Variants in MRPS28 observed in about 807,000 individuals in gnomAD.
MRPS28 encodes the protein small ribosomal subunit protein bS1m.
MRPS28 carries 7 observed loss-of-function variants against 10.8 expected under a neutral mutation model. That is an observed-to-expected ratio of 0.65 (90% CI 0.37 to 1.22). The LOEUF (loss-of-function observed/expected upper bound fraction) is 1.22, where lower values mean the gene tolerates loss of function less well. MRPS28 is among the 50% of genes most tolerant of loss of function. The pLI is 0.02. For missense variants in MRPS28, 265 were observed against 232.9 expected (o/e 1.14, Z -0.90); for synonymous variants, 121 against 93.3 (o/e 1.30, Z -1.71).
At chr8:79,944,132 A>G (rs1489370681) in intron 2 of MRPS28, among the ~76,000 whole-genome samples, 2 of 152,252 alleles carry the variant, frequency 1.3e-5, no homozygotes, top group African/African-American at 4.8e-5. Flanking sequence ...CATTTGTGAA[A>G]TAAAAAGCAT....
chr8:79,965,875 G>A (rs1271056794), intron 2 of MRPS28, among the ~76,000 whole-genome samples: 2 of 151,942 alleles, frequency 1.3e-5, no homozygotes. Flanking sequence ...TACCAAGCAA[G>A]AACAATGTCA....
intron 2 of MRPS28, among the ~76,000 whole-genome samples, chr8:79,965,290 C>G (rs966432511): frequency 1.3e-5 from 2 of 152,074 alleles, no homozygotes; most frequent in African/African-American, 4.8e-5. Flanking sequence ...TAAGATGACA[C>G]TGTTAAATAA....
At chr8:79,988,412 T>C (rs1309230006) in intron 2 of MRPS28, among the ~76,000 whole-genome samples, 3 of 150,184 alleles carry the variant, frequency 2.0e-5, no homozygotes, top group Non-Finnish European at 4.4e-5. Context: ...CCCTAAAACT[T>C]AAAGTATAAT....
intron 2 of MRPS28, among the ~76,000 whole-genome samples, chr8:79,927,531 T>A (rs1409627072): frequency 6.6e-6 from 1 of 152,246 alleles, no homozygotes; most frequent in Non-Finnish European, 1.5e-5. Flanking sequence ...ATCTTGTTTC[T>A]GTCTCTCTGA....
chr8:79,919,025 C>T lies in MRPS28; in HGVS notation c.519G>A (p.Gln173=). 1 of 1,591,954 alleles carries T rather than the reference C, an allele frequency of 6.3e-7. No individual in the cohort carries two copies. ...LEANAVLLGI[Q]ESKDSRSKEE... The stretch of plus-strand genomic sequence containing the variant: ...CTTTCGATCTTGAGTCTTTACTCTC[C>T]TGGATTCCCAAGAGAACTGCATTAG... Residue 173 remains glutamine, a synonymous_variant, in exon 3 of 3, where the codon CAG becomes CAA. Coordinates refer to ENST00000276585, the MANE Select transcript of MRPS28 (RefSeq NM_014018.3).
At chr8:79,990,602 G>C (rs1468990332) in intron 2 of MRPS28, among the ~76,000 whole-genome samples, 1 of 148,684 alleles carries the variant, frequency 6.7e-6, no homozygotes, top group African/African-American at 2.5e-5. Flanking sequence ...ATGGAATCTT[G>C]ACCACTGTGG....
At position 80,030,213 on chromosome 8, in the gene MRPS28, G is replaced by A; in HGVS notation, c.36C>T (p.Ala12=). Residue 12 remains alanine (A), a synonymous_variant, in exon 1 of 3, where the codon GCC becomes GCT. Transcript: ENST00000276585. The part of the protein sequence containing the change: ...AALCRTRAVA[A]ESHFLRVFLF... ...GAAACACTCGCAGAAAATGGCTCTC[G>A]GCAGCCACAGCACGGGTCCGACACA... 3.1e-6 allele frequency: 5 copies of A among 1,614,064 alleles called. No individual in the cohort carries two copies. Among genetic ancestry groups the A allele is most frequent in the East Asian group, 2.2e-5 (1 of 44,886 alleles).
At chr8:79,968,871 T>C (rs933241498) in intron 2 of MRPS28, among the ~76,000 whole-genome samples, 2 of 152,132 alleles carry the variant, frequency 1.3e-5, no homozygotes, top group Non-Finnish European at 2.9e-5. Context: ...AGATTGCAAA[T>C]GTTTGAATCT....
intron 2 of MRPS28, among the ~76,000 whole-genome samples, chr8:79,973,026 T>C (rs778182289): frequency 2.0e-5 from 3 of 152,330 alleles, no homozygotes; most frequent in Admixed American, 6.5e-5. Context: ...ACAAAATTGA[T>C]AGGTATTCAA....
At chr8:79,937,524 T>G (rs1806634402) in intron 2 of MRPS28, among the ~76,000 whole-genome samples, 1 of 152,082 alleles carries the variant, frequency 6.6e-6, no homozygotes, top group South Asian at 2.1e-4. Context: ...AAAAAACACA[T>G]CATATGAAAT....
chr8:79,973,669 G>C (rs773152158), intron 2 of MRPS28, among the ~76,000 whole-genome samples: 1 of 151,946 alleles, frequency 6.6e-6, no homozygotes, highest in Non-Finnish European at 1.5e-5. Context: ...GTGTAAAGTC[G>C]AGATTAAAAG....
intron 2 of MRPS28, among the ~76,000 whole-genome samples, chr8:79,966,363 A>G (rs1429966468): frequency 6.6e-6 from 1 of 152,124 alleles, no homozygotes; most frequent in Non-Finnish European, 1.5e-5. Context: ...TATAAAAGCA[A>G]AAATTAAAAT....
chr8:79,921,719 C>T (rs1810100118), intron 2 of MRPS28, among the ~76,000 whole-genome samples: 1 of 152,080 alleles, frequency 6.6e-6, no homozygotes, highest in Non-Finnish European at 1.5e-5. Context: ...ACAATCATGT[C>T]ATCTGCAAAC....
At chr8:79,985,311 C>T (rs1808121439) in intron 2 of MRPS28, among the ~76,000 whole-genome samples, 1 of 152,106 alleles carries the variant, frequency 6.6e-6, no homozygotes, top group Admixed American at 6.5e-5. Context: ...TAAATGCCCA[C>T]AAGAGAAAGC....
intron 1 of MRPS28, among the ~76,000 whole-genome samples, chr8:80,007,668 C>T (rs191842799): frequency 0.026 from 4,031 of 152,224 alleles, 71 homozygotes; most frequent in Non-Finnish European, 0.04. Flanking sequence ...AACTCCCATT[C>T]ACAATTGCTT....
At chr8:80,029,993 T>G (rs1809611097) in intron 1 of MRPS28, 43 bp downstream of exon 1, 1 of 1,598,032 alleles carries the variant, frequency 6.3e-7, no homozygotes, top group Non-Finnish European at 8.5e-7. Flanking sequence ...ACCGCGTCGT[T>G]GGCGTAATTC....
chr8:80,029,648 A>T, intron 1 of MRPS28: 1 of 997,548 alleles, frequency 1.0e-6, no homozygotes, highest in Non-Finnish European at 1.4e-6. Context: ...TGCTAGAGCT[A>T]CTGTTCAGAA....
At chr8:79,932,418 C>T (rs922132790) in intron 2 of MRPS28, among the ~76,000 whole-genome samples, 1 of 152,124 alleles carries the variant, frequency 6.6e-6, no homozygotes, top group Non-Finnish European at 1.5e-5. Flanking sequence ...GGCAGCAGCA[C>T]CGTTGGTTCA....
intron 1 of MRPS28, among the ~76,000 whole-genome samples, chr8:80,018,627 C>G (rs144063242): frequency 6.6e-6 from 1 of 152,282 alleles, no homozygotes; most frequent in African/African-American, 2.4e-5. Context: ...ACCATATGAT[C>G]CAGCAATCCC....
Sources: allele counts gnomAD v4.1 joint callset (sites outside exome capture counted in the v4.1 genomes callset), GRCh38; gene constraint gnomAD v4.1.1; transcripts MANE v1.5; gene names NCBI Gene and HGNC (gene_info 2026-07-23, HGNC 2026-07-21).